OPHN1: variants seen among roughly 807,000 people sequenced by gnomAD.
OPHN1 encodes the protein oligophrenin 1.
A neutral mutation model predicts 60.7 loss-of-function variants in OPHN1; 11 were observed. The ratio of observed to expected loss-of-function variants is 0.18; its 90% CI spans 0.11 to 0.30. OPHN1 has a LOEUF of 0.30. Ranked by LOEUF, OPHN1 falls within the 10% of genes least tolerant of loss-of-function variation. The pLI, the probability that OPHN1 is intolerant of heterozygous loss-of-function variation, is 1.00. For synonymous variants in OPHN1, 226 were observed against 222.6 expected, an observed-to-expected ratio of 1.02 and a Z score of -0.14; for missense variants, 449 against 611.0, an observed-to-expected ratio of 0.73 and a Z score of 2.80.
chrX:68,060,270 C>T (rs190805594), intron 21 of OPHN1, among the ~76,000 whole-genome samples: 31 of 111,259 alleles, frequency 2.8e-4, no homozygotes, highest in Non-Finnish European at 5.8e-4. Context: ...GCCAACGCTG[C>T]TGAAGAAATA....
chrX:68,271,327 A>C (rs2077967566), intron 5 of OPHN1, among the ~76,000 whole-genome samples: 1 of 107,603 alleles, frequency 9.3e-6, no homozygotes, highest in African/African-American at 3.4e-5. Flanking sequence ...GGCATTCGAG[A>C]CCAGTCTGGG....
intron 21 of OPHN1, among the ~76,000 whole-genome samples, chrX:68,056,104 TA>T (rs1324929520): frequency 9.1e-6 from 1 of 109,296 alleles, no homozygotes; most frequent in African/African-American, 3.3e-5. Flanking sequence ...AAATATAATT[TA>T]AAAAAAAAGA....
chrX:68,270,732 T>G (rs1009835607), intron 5 of OPHN1, among the ~76,000 whole-genome samples: 1 of 108,528 alleles, frequency 9.2e-6, no homozygotes, highest in African/African-American at 3.4e-5. Flanking sequence ...AGAACTTAAA[T>G]TATAATAATA....
intron 15 of OPHN1, among the ~76,000 whole-genome samples, chrX:68,190,050 A>C (rs930520461): frequency 5.4e-5 from 6 of 111,463 alleles, no homozygotes; most frequent in Non-Finnish European, 7.5e-5. Flanking sequence ...AGGATAAATC[A>C]TGATGGGTCC....
chrX:68,135,462 T>C (rs776735487), intron 15 of OPHN1, among the ~76,000 whole-genome samples: 3 of 111,588 alleles, frequency 2.7e-5, no homozygotes, highest in Non-Finnish European at 5.6e-5. Flanking sequence ...TTTGGGTTAT[T>C]GGAAGGACCT....
chrX:68,263,218 T>C (rs932562698), intron 5 of OPHN1, among the ~76,000 whole-genome samples: 1 of 111,523 alleles, frequency 9.0e-6, no homozygotes, highest in African/African-American at 3.3e-5. Context: ...GCTTTCATCC[T>C]TCCTCCCTAC....
intron 2 of OPHN1, among the ~76,000 whole-genome samples, chrX:68,304,370 G>GT (rs2078135439): frequency 9.1e-6 from 1 of 110,264 alleles, no homozygotes; most frequent in East Asian, 2.9e-4. Context: ...TAATGGGTGT[G>GT]TAATAGTATC....
chrX:68,286,141 A>G (rs1373253678), intron 3 of OPHN1, among the ~76,000 whole-genome samples: 1 of 110,825 alleles, frequency 9.0e-6, no homozygotes, highest in African/African-American at 3.3e-5. Flanking sequence ...TAGTGTGGCA[A>G]CTTTGGAAAT....
intron 15 of OPHN1, among the ~76,000 whole-genome samples, chrX:68,131,195 TTTATTTA>T (rs2077193059): frequency 1.6e-5 from 1 of 64,103 alleles, no homozygotes; most frequent in African/African-American, 4.6e-5. Context: ...AACACTTTTA[TTTATTTA>T]TTTATTTATT....
chrX:68,397,071 A>G (rs1602386347), intron 2 of OPHN1, among the ~76,000 whole-genome samples: 3 of 111,685 alleles, frequency 2.7e-5, no homozygotes, highest in Non-Finnish European at 5.6e-5. Flanking sequence ...TTGGAGCAAC[A>G]CCAGGACTGC....
intron 15 of OPHN1, among the ~76,000 whole-genome samples, chrX:68,163,173 T>C (rs2077342339): frequency 9.0e-6 from 1 of 111,450 alleles, no homozygotes; most frequent in Admixed American, 9.6e-5. Context: ...AGTTCCAAAC[T>C]GAAGAAAAAT....
chrX:68,107,781 C>T (rs1461785500), intron 18 of OPHN1, among the ~76,000 whole-genome samples: 1 of 112,022 alleles, frequency 8.9e-6, no homozygotes. Context: ...TGGCCTGTTC[C>T]GTTATTACTG....
intron 2 of OPHN1, among the ~76,000 whole-genome samples, chrX:68,316,335 A>G (rs1569277725): frequency 8.9e-6 from 1 of 112,084 alleles, no homozygotes; most frequent in Non-Finnish European, 1.9e-5. Context: ...AAATTTATAG[A>G]ACACCCCAAC....
At chrX:68,413,131 T>C (rs1400703918) in intron 2 of OPHN1, among the ~76,000 whole-genome samples, 1 of 111,538 alleles carries the variant, frequency 9.0e-6, no homozygotes, top group Non-Finnish European at 1.9e-5. Context: ...CTCTCCAGCT[T>C]GTTCAGGCCC....
chrX:68,417,136 T>C (rs1470134046), intron 2 of OPHN1, among the ~76,000 whole-genome samples: 1 of 110,844 alleles, frequency 9.0e-6, no homozygotes, highest in Non-Finnish European at 1.9e-5. Flanking sequence ...TACTCTGTCA[T>C]GAAGGCTGCA....
intron 19 of OPHN1, among the ~76,000 whole-genome samples, chrX:68,076,792 T>C (rs954590869): frequency 3.6e-5 from 4 of 111,588 alleles, no homozygotes; most frequent in Non-Finnish European, 1.9e-5. Flanking sequence ...CAAATTTTGG[T>C]ATATATGATG....
chrX:68,143,133 A>G (rs1424982783), intron 15 of OPHN1, among the ~76,000 whole-genome samples: 1 of 111,703 alleles, frequency 9.0e-6, no homozygotes, highest in Non-Finnish European at 1.9e-5. Context: ...AACATACATT[A>G]ATTCTCTTTG....
At chrX:68,113,115 T>C (rs2077111924) in intron 17 of OPHN1, 66 bp downstream of exon 17, 1 of 975,267 alleles carries the variant, frequency 1.0e-6, no homozygotes, top group African/African-American at 1.9e-5. Context: ...AACAATTTTC[T>C]AGGCTTATTG....
intron 15 of OPHN1, among the ~76,000 whole-genome samples, chrX:68,148,076 C>T (rs374197230): frequency 9.0e-6 from 1 of 110,688 alleles, no homozygotes; most frequent in East Asian, 2.8e-4. Context: ...TTTTAAATGA[C>T]ATTGCTAGAA....
Sources: allele counts gnomAD v4.1 joint callset (sites outside exome capture counted in the v4.1 genomes callset), GRCh38; gene constraint gnomAD v4.1.1; transcripts MANE v1.5; gene names NCBI Gene and HGNC (gene_info 2026-07-23, HGNC 2026-07-21).